The following SLC10A7 variants were observed in gnomAD, a reference collection of about 807,000 sequenced individuals.
SLC10A7 encodes the protein sodium/bile acid cotransporter 7.
A neutral mutation model predicts 43.2 loss-of-function variants in SLC10A7; 29 were observed. The ratio of observed to expected loss-of-function variants is 0.67; its 90% CI spans 0.50 to 0.92. SLC10A7 has a LOEUF of 0.92. Ranked by LOEUF, SLC10A7 falls within the 40% of genes least tolerant of loss-of-function variation. The probability of loss-of-function intolerance (pLI) is 0.00; values close to 1 mark genes in which losing one functional copy is unlikely to be tolerated. For synonymous variants in SLC10A7, 152 were observed against 144.8 expected (o/e 1.05, Z -0.35); for missense variants, 295 against 403.2 (o/e 0.73, Z 2.30).
chr4:146,348,093 G>A (rs780243465), intron 5 of SLC10A7, among the ~76,000 whole-genome samples: 1 of 152,052 alleles, frequency 6.6e-6, no homozygotes, highest in Non-Finnish European at 1.5e-5. Context: ...TAACTAATGG[G>A]GGTCACCAAG....
intron 4 of SLC10A7, among the ~76,000 whole-genome samples, chr4:146,449,673 C>T (rs777065124): frequency 6.6e-6 from 1 of 152,034 alleles, no homozygotes; most frequent in Non-Finnish European, 1.5e-5. Flanking sequence ...CAAACCACCA[C>T]CACCACCACC....
chr4:146,445,642 T>G (rs1730986309), intron 4 of SLC10A7, among the ~76,000 whole-genome samples: 1 of 151,920 alleles, frequency 6.6e-6, no homozygotes. Flanking sequence ...GGTACCCGAG[T>G]TCTTGTCAGG....
intron 4 of SLC10A7, among the ~76,000 whole-genome samples, chr4:146,444,641 G>A (rs1481486669): frequency 1.3e-5 from 2 of 152,010 alleles, no homozygotes; most frequent in African/African-American, 4.8e-5. Context: ...CTATATTCCT[G>A]CCTCTTATAA....
chr4:146,412,274 TACTA>T (rs1175906353), intron 5 of SLC10A7, among the ~76,000 whole-genome samples: 3 of 152,178 alleles, frequency 2.0e-5, no homozygotes, highest in African/African-American at 7.2e-5. Flanking sequence ...TAAAACAAGT[TACTA>T]ATTAATGTTG....
intron 9 of SLC10A7, among the ~76,000 whole-genome samples, chr4:146,286,837 A>G (rs938648853): frequency 4.9e-5 from 7 of 142,296 alleles, no homozygotes; most frequent in Admixed American, 2.1e-4. Flanking sequence ...GATGAGAAGG[A>G]CTGTGTTTGG....
intron 6 of SLC10A7, among the ~76,000 whole-genome samples, chr4:146,323,518 T>A (rs1252001477): frequency 6.6e-6 from 1 of 152,204 alleles, no homozygotes; most frequent in Non-Finnish European, 1.5e-5. Context: ...GTCAGGTTTG[T>A]CAAAGATCAC....
intron 5 of SLC10A7, among the ~76,000 whole-genome samples, chr4:146,440,826 C>A (rs939482199): frequency 6.6e-6 from 1 of 152,176 alleles, no homozygotes; most frequent in Non-Finnish European, 1.5e-5. Context: ...AACAACGCTT[C>A]TGCCTGTCTG....
intron 5 of SLC10A7, among the ~76,000 whole-genome samples, chr4:146,429,728 A>C (rs1257358562): frequency 6.6e-6 from 1 of 152,176 alleles, no homozygotes; most frequent in Non-Finnish European, 1.5e-5. Context: ...CTAAATAACC[A>C]TAAAAGGAAA....
At chr4:146,352,741 G>A (rs1396277904) in intron 5 of SLC10A7, among the ~76,000 whole-genome samples, 2 of 118,322 alleles carry the variant, frequency 1.7e-5, no homozygotes, top group African/African-American at 3.4e-5. Flanking sequence ...CTCACTCAAA[G>A]CCGCTCAACT....
chr4:146,340,350 A>G lies in SLC10A7; in HGVS notation c.436-14354T>C, dbSNP rs139347963. ...GTATAAAAAGTTCAACAACTAATAG[A>G]ACAAGCAAATCACTTCGCCATAATC... is the stretch of plus-strand genomic sequence containing the variant. On this transcript the variant is annotated intron_variant, in intron 5 of 11. Transcript: ENST00000335472. Among the ~76,000 whole-genome samples the G allele has an allele frequency of 4.1e-3, 620 of 152,028 alleles. 1 individual carries two copies. Among genetic ancestry groups the G allele is most frequent in the Non-Finnish European group, 6.1e-3 (415 of 67,876 alleles).
At chr4:146,363,543 G>A (rs530634156) in intron 5 of SLC10A7, among the ~76,000 whole-genome samples, 20 of 152,124 alleles carry the variant, frequency 1.3e-4, no homozygotes, top group East Asian at 9.7e-4. Context: ...TTCAACAGCC[G>A]CAGAACATAC....
chr4:146,479,001 C>A (rs952926136), intron 4 of SLC10A7, among the ~76,000 whole-genome samples: 1 of 152,016 alleles, frequency 6.6e-6, no homozygotes, highest in Non-Finnish European at 1.5e-5. Context: ...AAAAAAATTG[C>A]CATTTGTTAT....
intron 4 of SLC10A7, among the ~76,000 whole-genome samples, chr4:146,448,538 CT>C (rs1419495653): frequency 2.6e-5 from 4 of 152,144 alleles, no homozygotes; most frequent in Admixed American, 1.3e-4. Context: ...CAACACCCCT[CT>C]TTTTCCTTCC....
chr4:146,472,791 C>G (rs1232225883), intron 4 of SLC10A7, among the ~76,000 whole-genome samples: 1 of 152,122 alleles, frequency 6.6e-6, no homozygotes, highest in Non-Finnish European at 1.5e-5. Context: ...TTTAATGTAC[C>G]CAATGCATTT....
chr4:146,421,294 A>C (rs1297854839), intron 5 of SLC10A7, among the ~76,000 whole-genome samples: 1 of 152,142 alleles, frequency 6.6e-6, no homozygotes, highest in Non-Finnish European at 1.5e-5. Flanking sequence ...TAATTGAATA[A>C]ATGATTAAGA....
chr4:146,400,098 T>C (rs531831150), intron 5 of SLC10A7, among the ~76,000 whole-genome samples: 1 of 152,120 alleles, frequency 6.6e-6, no homozygotes, highest in African/African-American at 2.4e-5. Context: ...GTCAGTGAAG[T>C]AGACAAAAAC....
rs911851162 is a variant in SLC10A7 at position 146,256,175 on chromosome 4, T to C, written c.*316A>G. 3 of 358,654 alleles carry C rather than the reference T, an allele frequency of 8.4e-6. No homozygotes were observed. The highest frequency in any genetic ancestry group is 1.5e-5 in the Non-Finnish European group (3 of 194,580). The allele number at this position is 358,654 out of a possible 1,614,324, so 22.2% of individuals were successfully genotyped here. On this transcript the variant is annotated 3_prime_UTR_variant, in exon 12 of 12. Transcript: ENST00000335472. The stretch of plus-strand genomic sequence containing the variant: ...TCATTTCAAACATTACAGTAACTAC[T>C]ATAGGGTTGTATTGCACAAAGGTGC...
At chr4:146,448,807 G>C (rs562878075) in intron 4 of SLC10A7, among the ~76,000 whole-genome samples, 4 of 152,286 alleles carry the variant, frequency 2.6e-5, no homozygotes, top group African/African-American at 9.6e-5. Context: ...GCATTCAAAA[G>C]TAAGATGCCA....
chr4:146,432,526 T>C (rs1343642970), intron 5 of SLC10A7, among the ~76,000 whole-genome samples: 5 of 152,106 alleles, frequency 3.3e-5, no homozygotes, highest in African/African-American at 1.2e-4. Context: ...TCCATTTAGA[T>C]GACTTTCTAG....
Sources: allele counts gnomAD v4.1 joint callset (sites outside exome capture counted in the v4.1 genomes callset), GRCh38; gene constraint gnomAD v4.1.1; transcripts MANE v1.5; gene names NCBI Gene and HGNC (gene_info 2026-07-23, HGNC 2026-07-21).